KRAS: variants seen among roughly 807,000 people sequenced by gnomAD.
KRAS encodes KRas proto-oncogene, GTPase.
KRAS carries 1 observed loss-of-function variant against 21.0 expected under a neutral mutation model. The ratio of observed to expected loss-of-function variants is 0.05; its 90% CI spans 0.02 to 0.23. The LOEUF is 0.23. Ranked by LOEUF, KRAS falls within the 10% of genes least tolerant of loss-of-function variation. KRAS has a pLI of 1.00. For missense variants in KRAS, 107 were observed against 221.8 expected (o/e 0.48, Z 3.29); for synonymous variants, 67 against 72.5 (o/e 0.92, Z 0.39).
At chr12:25,223,791 G>A (rs1951356437) in intron 4 of KRAS, among the ~76,000 whole-genome samples, 3 of 152,108 alleles carry the variant, frequency 2.0e-5, no homozygotes, top group Admixed American at 6.5e-5. Context: ...GTTTAACAAT[G>A]TAAAAGTTGT....
At chr12:25,244,287 T>C (rs933429093) in intron 2 of KRAS, among the ~76,000 whole-genome samples, 2 of 152,194 alleles carry the variant, frequency 1.3e-5, no homozygotes, top group African/African-American at 4.8e-5. Context: ...AATGCTAAAG[T>C]ATTAGGACTG....
rs866925323 is a variant in KRAS at position 25,206,737 on chromosome 12, T to A, written c.*3058A>T. 17 of 196,546 alleles carry A rather than the reference T, an allele frequency of 8.6e-5. No individual in the cohort carries two copies. The highest frequency in any genetic ancestry group is 1.5e-4 in the Non-Finnish European group (14 of 94,812). 12.2% of individuals were successfully genotyped at this position (196,546 alleles called of 1,614,324 possible). A position where few individuals can be genotyped will look rare whatever the true frequency, so the allele number is the denominator to read the frequency against. ...TTCAGAAATCATAGTGATTTTTACA[T>A]AGAAGTTTCCTTGTCTGTGAACTAG... On this transcript the variant is annotated 3_prime_UTR_variant, in exon 5 of 5. Transcript: ENST00000311936.
chr12:25,237,827 A>G (rs1454281062), intron 2 of KRAS, among the ~76,000 whole-genome samples: 2 of 152,238 alleles, frequency 1.3e-5, no homozygotes, highest in African/African-American at 2.4e-5. Flanking sequence ...GCCAAAAAGT[A>G]GGGGCAGGCC....
chr12:25,239,017 G>T (rs553339447), intron 2 of KRAS, among the ~76,000 whole-genome samples: 1 of 152,296 alleles, frequency 6.6e-6, no homozygotes, highest in African/African-American at 2.4e-5. Flanking sequence ...TCCCACTACA[G>T]TGCAAGGCGC....
rs187213098 is a variant in KRAS at position 25,235,316 on chromosome 12, T to C, written c.112-7904A>G. 68 of 475,240 alleles carry C rather than the reference T, an allele frequency of 1.4e-4. No homozygotes were observed. In the East Asian group the frequency reaches 1.5e-3, roughly 11 times the overall value. 29.4% of individuals were successfully genotyped at this position (475,240 alleles called of 1,614,324 possible). On this transcript the variant is annotated intron_variant, in intron 2 of 4. Coordinates refer to ENST00000311936, the MANE Select transcript of KRAS (RefSeq NM_004985.5). ...AAGGTTATTTAAATTCACTGTAGAA[T>C]GATGTGTTCCGCACTTTCCGTTTAT...
chr12:25,211,581 GA>G (rs1351570063), intron 4 of KRAS, among the ~76,000 whole-genome samples: 2 of 148,326 alleles, frequency 1.3e-5, no homozygotes, highest in South Asian at 2.1e-4. Flanking sequence ...CTGTCTCAAA[GA>G]AAAAAAAACA....
At chr12:25,226,858 G>C (rs533676622) in intron 3 of KRAS, among the ~76,000 whole-genome samples, 1 of 152,224 alleles carries the variant, frequency 6.6e-6, no homozygotes, top group African/African-American at 2.4e-5. Context: ...ACACACGATT[G>C]CTTTTAAGAC....
Position 25,225,608 on chromosome 12 carries a change from AC to A in KRAS, c.450+5del. ...ACAGATCTGTATTTATTTCAGTGTT[AC>A]TTACCTGTCTTGTCTTTGCTGATGT... is the stretch of plus-strand genomic sequence containing the variant. On this transcript the variant is annotated splice_donor_5th_base_variant and intron_variant, in intron 4 of 4. Transcript: ENST00000311936. 1 of 1,612,358 alleles carries A rather than the reference AC, an allele frequency of 6.2e-7. No individual in the cohort carries two copies. Among genetic ancestry groups the A allele is most frequent in the Non-Finnish European group, 8.5e-7 (1 of 1,179,008 alleles).
chr12:25,219,155 C>A (rs928929705), intron 4 of KRAS, among the ~76,000 whole-genome samples: 9 of 152,056 alleles, frequency 5.9e-5, no homozygotes, highest in African/African-American at 2.2e-4. Flanking sequence ...CCAGGCTGGT[C>A]TCAAACTCCT....
intron 1 of KRAS, among the ~76,000 whole-genome samples, chr12:25,250,478 G>A (rs958692404): frequency 6.6e-6 from 1 of 152,082 alleles, no homozygotes; most frequent in African/African-American, 2.4e-5. Flanking sequence ...GAAGGAAGGG[G>A]TTCCCCGTCC....
rs976367263 is a variant in KRAS at position 25,243,608 on chromosome 12, T to G, written c.111+1666A>C. 3.3e-5 allele frequency among the ~76,000 whole-genome samples: 5 copies of G among 152,192 alleles called. 1 individual carries two copies. The highest frequency in any genetic ancestry group is 1.2e-4 in the African/African-American group (5 of 41,448). On this transcript the variant is annotated intron_variant, in intron 2 of 4. Coordinates refer to ENST00000311936, the MANE Select transcript of KRAS (RefSeq NM_004985.5). ...TCATATAGCACTCATGACCTCTGAT[T>G]GGAAACAAAGTGTAATGGAATTTCT...
chr12:25,241,699 A>G (rs7957675), intron 2 of KRAS, among the ~76,000 whole-genome samples: 330 of 152,290 alleles, frequency 2.2e-3, no homozygotes, highest in Non-Finnish European at 3.3e-3. Context: ...AGGAAGTTTA[A>G]TATTAGGTTG....
chr12:25,236,101 G>A (rs1191842919), intron 2 of KRAS, among the ~76,000 whole-genome samples: 1 of 152,062 alleles, frequency 6.6e-6, no homozygotes, highest in Non-Finnish European at 1.5e-5. Flanking sequence ...CAAAGGCTTA[G>A]AGGATCTCTA....
intron 1 of KRAS, among the ~76,000 whole-genome samples, chr12:25,248,919 T>C (rs982495702): frequency 6.6e-6 from 1 of 152,278 alleles, no homozygotes; most frequent in Non-Finnish European, 1.5e-5. Flanking sequence ...ATCTGTAGTC[T>C]ATAACATGCA....
chr12:25,233,710 G>A (rs997086023), intron 2 of KRAS: 6 of 210,354 alleles, frequency 2.9e-5, no homozygotes, highest in African/African-American at 1.1e-4. Context: ...TTTAAACTCC[G>A]TGTTGGTAGG....
intron 2 of KRAS, among the ~76,000 whole-genome samples, chr12:25,230,063 C>A (rs571784343): frequency 6.6e-6 from 1 of 152,248 alleles, no homozygotes; most frequent in East Asian, 1.9e-4. Context: ...TGAGCCACTG[C>A]GCCCAGCCTC....
intron 2 of KRAS, among the ~76,000 whole-genome samples, chr12:25,240,149 A>G (rs1029845794): frequency 6.6e-6 from 1 of 152,172 alleles, no homozygotes; most frequent in East Asian, 1.9e-4. Flanking sequence ...GAGCCACCAT[A>G]TCTGGCTTAT....
chr12:25,246,147 C>CAAAAAA (rs35617676), intron 1 of KRAS, among the ~76,000 whole-genome samples: 1 of 84,466 alleles, frequency 1.2e-5, no homozygotes, highest in African/African-American at 4.5e-5. Flanking sequence ...GACTCCGTCT[C>CAAAAAA]AAAAAAAAAA....
At chr12:25,227,734 C>G (rs1405832485) in intron 2 of KRAS, among the ~76,000 whole-genome samples, 1 of 152,110 alleles carries the variant, frequency 6.6e-6, no homozygotes, top group Non-Finnish European at 1.5e-5. Flanking sequence ...ACACTGAAAT[C>G]TTTGTGCATT....
Sources: allele counts gnomAD v4.1 joint callset (sites outside exome capture counted in the v4.1 genomes callset), GRCh38; gene constraint gnomAD v4.1.1; transcripts MANE v1.5; gene names NCBI Gene and HGNC (gene_info 2026-07-23, HGNC 2026-07-21).